The following FRMD4A variants were observed in gnomAD, a reference collection of about 807,000 sequenced individuals.
FRMD4A encodes the protein FERM domain-containing protein 4A.
FRMD4A carries 29 observed loss-of-function variants against 129.1 expected under a neutral mutation model. That is an observed-to-expected ratio of 0.22 (90% CI 0.17 to 0.31). The LOEUF (loss-of-function observed/expected upper bound fraction) is 0.31, where lower values mean the gene tolerates loss of function less well. FRMD4A is among the 10% of genes least tolerant of loss of function. The pLI, the probability that FRMD4A is intolerant of heterozygous loss-of-function variation, is 1.00. For synonymous variants in FRMD4A, 634 were observed against 571.6 expected (o/e 1.11, Z -1.56); for missense variants, 1,272 against 1,375.8 (o/e 0.92, Z 1.19).
At chr10:13,814,381 A>G (rs767571898) in intron 3 of FRMD4A, among the ~76,000 whole-genome samples, 1 of 151,932 alleles carries the variant, frequency 6.6e-6, no homozygotes, top group Non-Finnish European at 1.5e-5. Context: ...CTTTAAGCCC[A>G]GAGGCGATAT....
At position 13,660,198 on chromosome 10, in the gene FRMD4A, C is replaced by G. The variant is rs377439700; in HGVS notation, c.1898+118G>C. 703 of 687,964 alleles carry G rather than the reference C, an allele frequency of 1.0e-3. 14 individuals carry two copies. In the South Asian group the frequency reaches 0.012, roughly 12 times the overall value. 42.6% of individuals were successfully genotyped at this position (687,964 alleles called of 1,614,324 possible). The stretch of plus-strand genomic sequence containing the variant: ...ACGGCCCCGTGAAAGGCAAACCCCA[C>G]GGGGAGGAACTAGGTTGATGTGGAT... On this transcript the variant is annotated intron_variant, in intron 20 of 24. Transcript: ENST00000357447.
intron 12 of FRMD4A, among the ~76,000 whole-genome samples, chr10:13,713,632 G>A (rs1269373857): frequency 6.6e-6 from 1 of 151,592 alleles, no homozygotes. Context: ...ACCCGAATCA[G>A]ATGGAATTTA....
intron 8 of FRMD4A, 73 bp downstream of exon 8, chr10:13,761,574 C>A: frequency 9.9e-7 from 1 of 1,009,228 alleles, no homozygotes; most frequent in South Asian, 1.4e-5. Flanking sequence ...AAAGGACATC[C>A]TGATTAGTTT....
At position 13,935,195 on chromosome 10, in the gene FRMD4A, T is replaced by G. The variant is rs2095238335; in HGVS notation, c.46-76283A>C. On this transcript the variant is annotated intron_variant, in intron 2 of 24. Coordinates refer to ENST00000357447, the MANE Select transcript of FRMD4A (RefSeq NM_018027.5). ...GGCTCATGCCTGTAATCCCAGCACT[T>G]TGGTAGGCTGAGCAGGCGGATCACC... Among the ~76,000 whole-genome samples the G allele has an allele frequency of 3.3e-5, 5 of 152,210 alleles. No homozygotes were observed. In the South Asian group the frequency reaches 1.0e-3, roughly 32 times the overall value.
intron 8 of FRMD4A, among the ~76,000 whole-genome samples, chr10:13,755,401 T>G (rs1046599659): frequency 2.0e-5 from 3 of 152,236 alleles, no homozygotes; most frequent in Admixed American, 1.3e-4. Context: ...GCACTCTTTT[T>G]GGGCCATAAA....
In FRMD4A at chr10:13,895,314, C is replaced by T. The variant is rs553656837; in HGVS notation, c.46-36402G>A. ...CCATGTGTTCTCATCGTTTAGCTCC[C>T]ATTTATAAATGAGAACATGCAGAAT... On this transcript the variant is annotated intron_variant, in intron 2 of 24. Coordinates refer to ENST00000357447, the MANE Select transcript of FRMD4A (RefSeq NM_018027.5). Among the ~76,000 whole-genome samples, 6 of 152,290 alleles carry T rather than the reference C, an allele frequency of 3.9e-5. No individual in the cohort carries two copies. In the East Asian group the frequency reaches 9.7e-4, roughly 25 times the overall value.
chr10:13,744,230 C>T (rs1418557456), intron 9 of FRMD4A, among the ~76,000 whole-genome samples: 1 of 152,062 alleles, frequency 6.6e-6, no homozygotes, highest in Middle Eastern at 3.2e-3. Flanking sequence ...TAGGGGTGGT[C>T]AGGTGGTCCA....
At chr10:14,324,815 C>A (rs1159943366) in intron 2 of FRMD4A, among the ~76,000 whole-genome samples, 1 of 152,182 alleles carries the variant, frequency 6.6e-6, no homozygotes, top group Non-Finnish European at 1.5e-5. Context: ...TGCACCCCAC[C>A]ACGCCTTGCT....
At chr10:14,208,601 C>T (rs1842850914) in intron 2 of FRMD4A, among the ~76,000 whole-genome samples, 1 of 152,006 alleles carries the variant, frequency 6.6e-6, no homozygotes, top group Non-Finnish European at 1.5e-5. Context: ...CCCCTCCCAA[C>T]CTCAGCTGTC....
In FRMD4A at chr10:14,319,367, T is replaced by TCACA. The variant is rs1554809203; in HGVS notation, c.45+10687_45+10690dup. On this transcript the variant is annotated intron_variant, in intron 2 of 24. Coordinates refer to ENST00000357447, the MANE Select transcript of FRMD4A (RefSeq NM_018027.5). ...TCTCTCTCCTCTCTCTCTCTCTCTCTCACACACACACACACACACATGATA... is the reference window on the plus strand; with the variant it reads ...TCTCTCTCCTCTCTCTCTCTCTCTCTCACACACACACACACACACACACATGATA... 9.6e-5 allele frequency among the ~76,000 whole-genome samples: 14 copies of TCACA among 145,148 alleles called. No individual in the cohort carries two copies. The East Asian group carries it at 1.4e-3, about 14-fold the overall frequency.
intron 3 of FRMD4A, among the ~76,000 whole-genome samples, chr10:13,858,583 AG>A (rs1196074935): frequency 2.6e-5 from 4 of 152,248 alleles, no homozygotes; most frequent in Non-Finnish European, 5.9e-5. Flanking sequence ...AGAATAGCTA[AG>A]GGCATTGTGG....
At chr10:13,673,837 G>A (rs537149097) in intron 16 of FRMD4A, among the ~76,000 whole-genome samples, 3 of 144,654 alleles carry the variant, frequency 2.1e-5, no homozygotes, top group South Asian at 2.2e-4. Context: ...GTGCAATGGC[G>A]TGATCACTGC....
chr10:13,964,679 T>TG (rs1368554321), intron 2 of FRMD4A, among the ~76,000 whole-genome samples: 1 of 151,194 alleles, frequency 6.6e-6, no homozygotes, highest in Non-Finnish European at 1.5e-5. Context: ...CTTTTGTTTT[T>TG]TTTTTTTTTT....
intron 2 of FRMD4A, among the ~76,000 whole-genome samples, chr10:13,963,383 T>A (rs1387941109): frequency 6.7e-6 from 1 of 149,438 alleles, no homozygotes; most frequent in African/African-American, 2.5e-5. Context: ...CTTTAAAACA[T>A]ACATTGCCAT....
chr10:13,882,349 C>G (rs1484187993), intron 2 of FRMD4A, among the ~76,000 whole-genome samples: 1 of 152,184 alleles, frequency 6.6e-6, no homozygotes, highest in African/African-American at 2.4e-5. Flanking sequence ...GAACAGCTGA[C>G]TCCGAGCAAC....
At chr10:14,024,032 T>C (rs1360661550) in intron 2 of FRMD4A, among the ~76,000 whole-genome samples, 3 of 152,196 alleles carry the variant, frequency 2.0e-5, no homozygotes, top group South Asian at 2.1e-4. Context: ...ATTCAGGGAA[T>C]AGCTACTGAA....
In FRMD4A at chr10:13,701,361, A is replaced by G. The variant is rs752110652; in HGVS notation, c.954T>C (p.Tyr318=). 3 of 1,614,028 alleles carry G rather than the reference A, an allele frequency of 1.9e-6. No individual in the cohort carries two copies. Among genetic ancestry groups the G allele is most frequent in the Non-Finnish European group, 2.5e-6 (3 of 1,179,908 alleles). ...TCACCTTACTCTGCTTTCTGTCCAG[A>G]TAGAACTGGTGTTGGCTTATGGCCA... ...WAMAISQHQF[Y]LDRKQSKSKI... is the part of the protein sequence containing the mutation. The change falls in exon 14 of 25, where the codon TAT becomes TAC. Residue 318 remains tyrosine, a synonymous_variant. Coordinates refer to ENST00000357447, the MANE Select transcript of FRMD4A (RefSeq NM_018027.5).
intron 2 of FRMD4A, among the ~76,000 whole-genome samples, chr10:14,050,031 T>C (rs1834185604): frequency 6.6e-6 from 1 of 152,122 alleles, no homozygotes; most frequent in Non-Finnish European, 1.5e-5. Context: ...GACTGTAGGC[T>C]TTGGCACCAT....
At chr10:13,993,342 A>G (rs2095610256) in intron 2 of FRMD4A, among the ~76,000 whole-genome samples, 1 of 152,234 alleles carries the variant, frequency 6.6e-6, no homozygotes, top group Non-Finnish European at 1.5e-5. Flanking sequence ...GTTCTTGCTC[A>G]AGGACTTGGC....
Sources: gnomAD v4.1 joint callset for allele counts (sites outside exome capture counted in the v4.1 genomes callset) on GRCh38, gnomAD v4.1.1 for gene constraint, MANE v1.5 for transcripts, NCBI Gene and HGNC (gene_info 2026-07-23, HGNC 2026-07-21) for gene names.